DLG2: variants seen among roughly 807,000 people sequenced by gnomAD.
The protein encoded by DLG2 is discs large MAGUK scaffold protein 2, also known as disks large homolog 2.
In DLG2, 45 loss-of-function variants were observed where a neutral mutation model predicts 132.5. That is an observed-to-expected ratio of 0.34 (90% CI 0.27 to 0.44). DLG2 has a LOEUF of 0.44. Among genes scored for constraint, DLG2 ranks in the 20% least tolerant of loss-of-function variants. DLG2 has a pLI of 1.00. For missense variants in DLG2, 1,045 were observed against 1,196.9 expected (o/e 0.87, Z 1.87); for synonymous variants, 424 against 419.6 (o/e 1.01, Z -0.13).
chr11:84,553,596 G>C (rs2154524652), intron 6 of DLG2, among the ~76,000 whole-genome samples: 1 of 152,284 alleles, frequency 6.6e-6, no homozygotes, highest in South Asian at 2.1e-4. Context: ...ATGAATCCAA[G>C]AGACAGCAAC....
At chr11:83,756,445 A>C (rs1215614675) in intron 18 of DLG2, among the ~76,000 whole-genome samples, 1 of 151,486 alleles carries the variant, frequency 6.6e-6, no homozygotes, top group African/African-American at 2.5e-5. Context: ...AAAGCAAACA[A>C]ACAAAACAAT....
intron 6 of DLG2, among the ~76,000 whole-genome samples, chr11:84,969,937 T>C (rs757059717): frequency 2.0e-5 from 3 of 152,102 alleles, no homozygotes; most frequent in Admixed American, 6.5e-5. Flanking sequence ...AAACACCGCA[T>C]GTTTTCACTC....
intron 6 of DLG2, among the ~76,000 whole-genome samples, chr11:84,757,876 G>A (rs753708694): frequency 2.0e-5 from 3 of 152,164 alleles, no homozygotes; most frequent in East Asian, 1.9e-4. Context: ...TGGTAAAGTC[G>A]GCAAACCTGT....
intron 3 of DLG2, among the ~76,000 whole-genome samples, chr11:85,551,394 T>G (rs1481848444): frequency 1.3e-5 from 2 of 152,122 alleles, no homozygotes; most frequent in East Asian, 3.8e-4. Context: ...CTAGTCATGA[T>G]TAGCCCAGTT....
chr11:84,096,900 GAAAAA>G (rs34629978), intron 10 of DLG2, among the ~76,000 whole-genome samples: 1 of 147,744 alleles, frequency 6.8e-6, no homozygotes. Context: ...ACATTTACCT[GAAAAA>G]AAAAAAAATG....
rs756141594 is a variant in DLG2 at position 85,598,618 on chromosome 11, C to G, written c.40+39G>C. On this transcript the variant is annotated intron_variant, in intron 3 of 27. Coordinates refer to ENST00000376104, the MANE Select transcript of DLG2 (RefSeq NM_001142699.3). ...ATTATTCAAACTATCAAGCCCAATTCTGACCATTAAAATGATGAATAACTT... is the reference window on the plus strand; with the variant it reads ...ATTATTCAAACTATCAAGCCCAATTGTGACCATTAAAATGATGAATAACTT... 2.0e-6 allele frequency: 3 copies of G among 1,480,452 alleles called. No individual in the cohort carries two copies. The South Asian group carries it at 4.3e-5, about 21-fold the overall frequency. 91.7% of individuals were successfully genotyped at this position (1,480,452 alleles called of 1,614,324 possible).
intron 11 of DLG2, among the ~76,000 whole-genome samples, chr11:83,992,187 C>T (rs1236325109): frequency 6.6e-6 from 1 of 152,164 alleles, no homozygotes; most frequent in African/African-American, 2.4e-5. Context: ...TTACTGATGA[C>T]TACTTATGTG....
At chr11:84,604,614 A>G (rs987136068) in intron 6 of DLG2, among the ~76,000 whole-genome samples, 6 of 152,004 alleles carry the variant, frequency 3.9e-5, no homozygotes, top group Non-Finnish European at 8.8e-5. Context: ...TCTCAGGAAG[A>G]TAATTTAAAA....
At chr11:83,472,885 T>C in intron 22 of DLG2, 108 bp from the exon 23 acceptor site, 1 of 901,688 alleles carries the variant, frequency 1.1e-6, no homozygotes, top group East Asian at 2.5e-5. Context: ...TTAATTCTCC[T>C]TGCTCTTTCT....
intron 6 of DLG2, among the ~76,000 whole-genome samples, chr11:84,928,051 A>G (rs1425926654): frequency 6.6e-6 from 1 of 151,994 alleles, no homozygotes; most frequent in African/African-American, 2.4e-5. Context: ...ATAGGAAGAT[A>G]TCAACTCCAG....
intron 6 of DLG2, among the ~76,000 whole-genome samples, chr11:85,090,483 A>C (rs2068588556): frequency 6.6e-6 from 1 of 152,180 alleles, no homozygotes. Context: ...CACCATAAAC[A>C]TACACATGCA....
intron 6 of DLG2, among the ~76,000 whole-genome samples, chr11:84,671,311 T>C (rs2153692812): frequency 6.6e-6 from 1 of 152,104 alleles, no homozygotes; most frequent in East Asian, 1.9e-4. Flanking sequence ...CTGTGTTGCC[T>C]AAACCAGTCT....
intron 18 of DLG2, among the ~76,000 whole-genome samples, chr11:83,719,908 G>A (rs188746816): frequency 6.6e-6 from 1 of 152,216 alleles, no homozygotes; most frequent in Non-Finnish European, 1.5e-5. Flanking sequence ...CAAACAGACT[G>A]GATAACTTCC....
At chr11:83,847,855 C>T (rs1300960794) in intron 16 of DLG2, among the ~76,000 whole-genome samples, 1 of 152,170 alleles carries the variant, frequency 6.6e-6, no homozygotes, top group East Asian at 1.9e-4. Flanking sequence ...TCCAACTTGG[C>T]CTCTCTTCAG....
chr11:84,430,779 G>C (rs1160386733), intron 7 of DLG2, among the ~76,000 whole-genome samples: 1 of 152,182 alleles, frequency 6.6e-6, no homozygotes, highest in African/African-American at 2.4e-5. Context: ...TGTCCATTTT[G>C]CTGCTTGATT....
chr11:84,592,680 A>G (rs1392601178), intron 6 of DLG2, among the ~76,000 whole-genome samples: 2 of 152,050 alleles, frequency 1.3e-5, no homozygotes, highest in Non-Finnish European at 2.9e-5. Context: ...CACTTCTTGA[A>G]AGAAGACATT....
intron 8 of DLG2, among the ~76,000 whole-genome samples, chr11:84,237,124 T>C (rs557508246): frequency 9.9e-5 from 15 of 151,998 alleles, no homozygotes; most frequent in Non-Finnish European, 1.8e-4. Context: ...GAGACGGGGT[T>C]TCACTGTGTT....
chr11:84,090,408 T>C (rs1032679444), intron 10 of DLG2, among the ~76,000 whole-genome samples: 16 of 111,348 alleles, frequency 1.4e-4, no homozygotes, highest in African/African-American at 5.4e-4. Context: ...GAGTGAGATT[T>C]CATCTCAAAA....
chr11:84,277,788 G>A (rs2097796706), intron 7 of DLG2, among the ~76,000 whole-genome samples: 2 of 152,106 alleles, frequency 1.3e-5, no homozygotes, highest in Admixed American at 6.6e-5. Context: ...TAAAATTGAT[G>A]ACACTCTAGC....
Sources: gnomAD v4.1 joint callset for allele counts (sites outside exome capture counted in the v4.1 genomes callset) on GRCh38, gnomAD v4.1.1 for gene constraint, MANE v1.5 for transcripts, NCBI Gene and HGNC (gene_info 2026-07-23, HGNC 2026-07-21) for gene names.